FAM117B: variants seen among roughly 807,000 people sequenced by gnomAD.
The protein encoded by FAM117B is protein FAM117B.
Under a neutral mutation model 52.8 loss-of-function variants are expected in FAM117B, and 22 were observed. The ratio of observed to expected loss-of-function variants is 0.42; its 90% CI spans 0.30 to 0.59. The LOEUF (loss-of-function observed/expected upper bound fraction) is 0.59, where lower values mean the gene tolerates loss of function less well. Ranked by LOEUF, FAM117B falls within the 20% of genes least tolerant of loss-of-function variation. The pLI, the probability that FAM117B is intolerant of heterozygous loss-of-function variation, is 0.22. For synonymous variants in FAM117B, 309 were observed against 324.1 expected (o/e 0.95, Z 0.50); for missense variants, 678 against 802.6 (o/e 0.84, Z 1.88).
At position 202,767,535 on chromosome 2, in the gene FAM117B, A is replaced by G. The variant is rs1156646423; in HGVS notation, c.*1771A>G. 6.6e-6 allele frequency: 1 copy of G among 152,190 alleles called. No homozygotes were observed. Among genetic ancestry groups the G allele is most frequent in the Non-Finnish European group, 1.5e-5 (1 of 68,036 alleles). 9.4% of individuals were successfully genotyped at this position (152,190 alleles called of 1,614,324 possible). A position where few individuals can be genotyped will look rare whatever the true frequency, so the allele number is the denominator to read the frequency against. ...AAGCATCCTTTTCATATCTTCATATACTACTTTATGATGCAATAATTTACT... is the reference window on the plus strand; with the variant it reads ...AAGCATCCTTTTCATATCTTCATATGCTACTTTATGATGCAATAATTTACT... On this transcript the variant is annotated 3_prime_UTR_variant, in exon 8 of 8. Transcript: ENST00000392238.
intron 4 of FAM117B, among the ~76,000 whole-genome samples, chr2:202,745,495 G>A (rs1691618076): frequency 6.6e-6 from 1 of 152,010 alleles, no homozygotes; most frequent in Non-Finnish European, 1.5e-5. Flanking sequence ...ATCACTACAA[G>A]AAGCCCACCA....
rs374063145 is a variant in FAM117B, at chr2:202,651,409, G to T, written c.601+15621G>T. Among the ~76,000 whole-genome samples the T allele has an allele frequency of 7.7e-4, 115 of 148,982 alleles. 5 individuals carry two copies. The East Asian group carries it at 0.021, about 27-fold the overall frequency. On this transcript the variant is annotated intron_variant, in intron 1 of 7. Coordinates refer to ENST00000392238, the MANE Select transcript of FAM117B (RefSeq NM_173511.4). ...TTTTTTGAGATGGAGTTTCACTCTT[G>T]TTGCCCAGGTTGGAGTGCAATGGCA...
At chr2:202,669,599 T>G (rs1431841674) in intron 1 of FAM117B, among the ~76,000 whole-genome samples, 1 of 152,184 alleles carries the variant, frequency 6.6e-6, no homozygotes, top group Non-Finnish European at 1.5e-5. Context: ...ATTTGAGATG[T>G]TTTTGCCAAC....
chr2:202,635,975 CCCCG>C (rs1284563584), intron 1 of FAM117B, among the ~76,000 whole-genome samples, 187 bp downstream of exon 1: 3 of 133,608 alleles, frequency 2.2e-5, no homozygotes, highest in South Asian at 2.8e-4. Context: ...CTACCCTACG[CCCCG>C]CCCGCCCGCC....
chr2:202,707,772 A>AT (rs201311225), intron 2 of FAM117B, among the ~76,000 whole-genome samples: 3,980 of 143,158 alleles, frequency 0.028, 65 homozygotes, highest in Non-Finnish European at 0.041. Flanking sequence ...GTGTAACTTA[A>AT]TTTTTTTTTT....
intron 5 of FAM117B, 95 bp downstream of exon 5, chr2:202,755,776 C>T: frequency 3.1e-6 from 4 of 1,287,558 alleles, no homozygotes; most frequent in East Asian, 2.4e-5. Context: ...TTTCTTCCTT[C>T]TCATTGAGAG....
At chr2:202,693,380 G>A (rs561036425) in intron 1 of FAM117B, among the ~76,000 whole-genome samples, 1 of 152,248 alleles carries the variant, frequency 6.6e-6, no homozygotes, top group South Asian at 2.1e-4. Context: ...AAGCTGAGGC[G>A]GGCGAGTCAC....
chr2:202,644,072 T>TG lies in FAM117B; in HGVS notation c.601+8284_601+8285insG, dbSNP rs1401156794. On this transcript the variant is annotated intron_variant, in intron 1 of 7. Coordinates refer to ENST00000392238, the MANE Select transcript of FAM117B (RefSeq NM_173511.4). ...GGAGCTGTTTTTTTTTTGTTTTTTT[T>TG]TTTTTTTTTTTTCAGTTTTATGTAT... is the stretch of plus-strand genomic sequence containing the variant. Among the ~76,000 whole-genome samples, 7 of 146,186 alleles carry TG rather than the reference T, an allele frequency of 4.8e-5. No individual in the cohort carries two copies. The East Asian group carries it at 7.8e-4, about 16-fold the overall frequency.
chr2:202,678,397 T>C (rs1460573928), intron 1 of FAM117B, among the ~76,000 whole-genome samples: 1 of 152,180 alleles, frequency 6.6e-6, no homozygotes, highest in Non-Finnish European at 1.5e-5. Context: ...GTCATTCACA[T>C]AGCCCGTGAA....
intron 1 of FAM117B, among the ~76,000 whole-genome samples, chr2:202,644,350 A>C (rs1030447265): frequency 2.0e-5 from 3 of 152,136 alleles, no homozygotes; most frequent in Non-Finnish European, 4.4e-5. Context: ...ACCTATCACA[A>C]ATTTATCCCT....
chr2:202,686,009 A>G (rs1690533002), intron 1 of FAM117B, among the ~76,000 whole-genome samples: 2 of 152,254 alleles, frequency 1.3e-5, no homozygotes, highest in South Asian at 4.1e-4. Context: ...AAGACAAGGC[A>G]AAACTGTTTG....
chr2:202,715,997 A>G (rs994050543), intron 2 of FAM117B, among the ~76,000 whole-genome samples: 1 of 152,212 alleles, frequency 6.6e-6, no homozygotes, highest in African/African-American at 2.4e-5. Flanking sequence ...CAGGAGAATC[A>G]GGCAGGGAGG....
chr2:202,701,692 C>G (rs1690797361), intron 2 of FAM117B, among the ~76,000 whole-genome samples: 1 of 152,096 alleles, frequency 6.6e-6, no homozygotes, highest in African/African-American at 2.4e-5. Context: ...TTGAGGGTTT[C>G]AAGACTTCAG....
chr2:202,635,150 C>A lies in FAM117B; in HGVS notation c.-38C>A. ...CCCCTGCAGCCCAACAACAACAAAA[C>A]CCCCCGTCTCGCCCAGTCACCGGGG... On this transcript the variant is annotated 5_prime_UTR_variant, in exon 1 of 8. Transcript: ENST00000392238. 8.0e-7 allele frequency: 1 copy of A among 1,255,508 alleles called. No individual in the cohort carries two copies. The highest frequency in any genetic ancestry group is 1.0e-6 in the Non-Finnish European group (1 of 999,498). 77.8% of individuals were successfully genotyped at this position (1,255,508 alleles called of 1,614,324 possible).
chr2:202,682,545 A>G (rs934401446), intron 1 of FAM117B, among the ~76,000 whole-genome samples: 2 of 152,122 alleles, frequency 1.3e-5, no homozygotes, highest in Non-Finnish European at 2.9e-5. Flanking sequence ...GCGCCCATAC[A>G]TCCCTGTTAC....
At chr2:202,734,269 C>G (rs1173099070) in intron 4 of FAM117B, among the ~76,000 whole-genome samples, 1 of 152,108 alleles carries the variant, frequency 6.6e-6, no homozygotes, top group Non-Finnish European at 1.5e-5. Context: ...CCGTTGTAGT[C>G]CCAGCTACTA....
chr2:202,706,339 ATGAAAG>A (rs1690868569), intron 2 of FAM117B, among the ~76,000 whole-genome samples: 1 of 152,142 alleles, frequency 6.6e-6, no homozygotes, highest in Non-Finnish European at 1.5e-5. Flanking sequence ...TTAATATTTT[ATGAAAG>A]TGTTTGTTTT....
chr2:202,714,786 C>T (rs1035917728), intron 2 of FAM117B, among the ~76,000 whole-genome samples: 7 of 151,964 alleles, frequency 4.6e-5, no homozygotes, highest in East Asian at 1.9e-4. Flanking sequence ...CATCTTGCAC[C>T]GCCCTTAATC....
intron 4 of FAM117B, among the ~76,000 whole-genome samples, chr2:202,746,516 A>G (rs985573620): frequency 9.9e-5 from 15 of 152,130 alleles, no homozygotes; most frequent in African/African-American, 3.1e-4. Context: ...AAGATTTCAA[A>G]TAAACAATCT....
Sources: allele counts gnomAD v4.1 joint callset (sites outside exome capture counted in the v4.1 genomes callset), GRCh38; gene constraint gnomAD v4.1.1; transcripts MANE v1.5; gene names NCBI Gene and HGNC (gene_info 2026-07-23, HGNC 2026-07-21).